The following ASIP variants were observed in gnomAD, a reference collection of about 807,000 sequenced individuals.
ASIP encodes the protein agouti signaling protein, also known as agouti-signaling protein.
Under a neutral mutation model 10.3 loss-of-function variants are expected in ASIP, and 11 were observed. The observed-to-expected ratio is 1.07, with a 90% confidence interval of 0.68 to 1.78. The LOEUF is 1.78. ASIP is among the 40% of genes most tolerant of loss of function. The probability of loss-of-function intolerance (pLI) is 0.00; values close to 1 mark genes in which losing one functional copy is unlikely to be tolerated. For synonymous variants in ASIP, 70 were observed against 70.8 expected (o/e 0.99, Z 0.06); for missense variants, 180 against 169.2 (o/e 1.06, Z -0.35).
chr20:34,187,455 T>A, the ASIP span, among the ~76,000 whole-genome samples: 4 of 152,344 alleles, frequency 2.6e-5, no homozygotes, highest in East Asian at 5.8e-4. Flanking sequence ...GTGTGTAAGG[T>A]TTGTCAGTTT....
chr20:34,263,661 CTTTT>C (rs200772515), intron 3 of ASIP, among the ~76,000 whole-genome samples: 1 of 134,420 alleles, frequency 7.4e-6, no homozygotes, highest in Non-Finnish European at 1.5e-5. Context: ...TATTTTATGT[CTTTT>C]TTTTTTTTTC....
intron 1 of ASIP, among the ~76,000 whole-genome samples, chr20:34,207,134 TC>T (rs1161896783): frequency 1.3e-5 from 2 of 152,242 alleles, no homozygotes; most frequent in East Asian, 3.8e-4. Flanking sequence ...AATACAAGCA[TC>T]CCCCTTTCTC....
chr20:34,197,182 G>T (rs372680471), intron 1 of ASIP, among the ~76,000 whole-genome samples: 1 of 152,042 alleles, frequency 6.6e-6, no homozygotes, highest in African/African-American at 2.4e-5. Context: ...AGACCAGCCT[G>T]GCCAACATGG....
intron 1 of ASIP, among the ~76,000 whole-genome samples, chr20:34,258,948 G>C (rs1190251009): frequency 7.0e-6 from 1 of 142,864 alleles, no homozygotes; most frequent in East Asian, 2.0e-4. Flanking sequence ...ATGGCTGAGT[G>C]GTGGCTCACT....
intron 1 of ASIP, among the ~76,000 whole-genome samples, chr20:34,218,764 G>T (rs1431680772): frequency 6.6e-6 from 1 of 152,032 alleles, no homozygotes; most frequent in Non-Finnish European, 1.5e-5. Flanking sequence ...CTGGGTTCAT[G>T]CCATTCTCCT....
At chr20:34,226,441 C>T (rs2035093613) in intron 1 of ASIP, among the ~76,000 whole-genome samples, 1 of 152,064 alleles carries the variant, frequency 6.6e-6, no homozygotes, top group Admixed American at 6.5e-5. Flanking sequence ...CAACTTCTGC[C>T]TCCTGGGTTC....
At chr20:34,189,738 C>CA (rs969429778), upstream of ASIP, among the ~76,000 whole-genome samples, 1 of 152,210 alleles carries the variant, frequency 6.6e-6, no homozygotes, top group African/African-American at 2.4e-5. Context: ...GGAGTCACCT[C>CA]ATTGCATTTA....
intron 1 of ASIP, among the ~76,000 whole-genome samples, chr20:34,253,763 C>T (rs1601603716): frequency 6.6e-6 from 1 of 151,968 alleles, no homozygotes; most frequent in East Asian, 1.9e-4. Context: ...GAGTGCCGGG[C>T]CCTTAAAACT....
At chr20:34,193,881 C>G (rs1425131505), upstream of ASIP, among the ~76,000 whole-genome samples, 1 of 152,204 alleles carries the variant, frequency 6.6e-6, no homozygotes, top group Non-Finnish European at 1.5e-5. Context: ...ATCCGAGGAA[C>G]CTAAATGTCT....
At chr20:34,252,202 T>C (rs2035487998) in intron 1 of ASIP, among the ~76,000 whole-genome samples, 1 of 152,136 alleles carries the variant, frequency 6.6e-6, no homozygotes, top group Admixed American at 6.5e-5. Context: ...AGACAAAGTA[T>C]AGAGAAAGAA....
intron 1 of ASIP, among the ~76,000 whole-genome samples, chr20:34,220,252 G>A (rs1035106168): frequency 6.6e-6 from 1 of 152,072 alleles, no homozygotes; most frequent in Non-Finnish European, 1.5e-5. Context: ...AAAGTCTAAG[G>A]GGGAATCAGA....
chr20:34,204,915 A>T (rs1222780172), intron 1 of ASIP, among the ~76,000 whole-genome samples: 2 of 152,256 alleles, frequency 1.3e-5, no homozygotes, highest in Non-Finnish European at 1.5e-5. Context: ...TGTAATGATC[A>T]AATCAGGATA....
intron 1 of ASIP, among the ~76,000 whole-genome samples, chr20:34,235,998 A>AGCG (rs1568756812): frequency 8.4e-5 from 9 of 107,656 alleles, no homozygotes; most frequent in African/African-American, 6.4e-4. Flanking sequence ...GAAGGAAGGA[A>AGCG]GGAGAAAGAG....
At chr20:34,230,796 C>T (rs1363342175) in intron 1 of ASIP, among the ~76,000 whole-genome samples, 1 of 40,772 alleles carries the variant, frequency 2.5e-5, no homozygotes, top group Non-Finnish European at 4.1e-5. Context: ...CCCTCCCGGA[C>T]GGGGTGGCTG....
chr20:34,193,246 T>C (rs79862243), upstream of ASIP, among the ~76,000 whole-genome samples: 275 of 152,356 alleles, frequency 1.8e-3, 1 homozygote, highest in African/African-American at 6.2e-3. Flanking sequence ...ACAGCATTTC[T>C]ACAACCTCTT....
At chr20:34,222,746 C>A (rs2035057113) in intron 1 of ASIP, among the ~76,000 whole-genome samples, 2 of 152,104 alleles carry the variant, frequency 1.3e-5, no homozygotes, top group South Asian at 4.2e-4. Context: ...CTGCCTGATT[C>A]TCCTGCCTCA....
intron 1 of ASIP, among the ~76,000 whole-genome samples, chr20:34,210,211 C>A (rs1303195085): frequency 6.6e-6 from 1 of 152,224 alleles, no homozygotes; most frequent in Non-Finnish European, 1.5e-5. Context: ...CTGAAACGTC[C>A]CTTGCTCACC....
the ASIP span, among the ~76,000 whole-genome samples, chr20:34,187,367 T>C: frequency 6.6e-6 from 1 of 152,202 alleles, no homozygotes; most frequent in East Asian, 1.9e-4. Context: ...AGGAATTTCT[T>C]TTCAACTTGT....
chr20:34,230,745 A>C, intron 1 of ASIP, among the ~76,000 whole-genome samples: 1 of 41,782 alleles, frequency 2.4e-5, no homozygotes, highest in Admixed American at 2.3e-4. Flanking sequence ...TCCCTCCCGG[A>C]TGGGGCGGCT....
Sources: allele counts gnomAD v4.1 joint callset (sites outside exome capture counted in the v4.1 genomes callset), GRCh38; gene constraint gnomAD v4.1.1; transcripts MANE v1.5; gene names NCBI Gene and HGNC (gene_info 2026-07-23, HGNC 2026-07-21).